FSBP: variants seen among roughly 807,000 people sequenced by gnomAD.
FSBP encodes the protein fibrinogen silencer-binding protein.
In FSBP, 18 loss-of-function variants were observed where a neutral mutation model predicts 24.6. The ratio of observed to expected loss-of-function variants is 0.73; its 90% CI spans 0.51 to 1.08. FSBP has a LOEUF of 1.08. Ranked by LOEUF, FSBP falls within the 50% of genes least tolerant of loss-of-function variation. The probability of loss-of-function intolerance (pLI) is 0.00; values close to 1 mark genes in which losing one functional copy is unlikely to be tolerated. For synonymous variants in FSBP, 110 were observed against 125.8 expected (o/e 0.87, Z 0.84); for missense variants, 305 against 347.6 (o/e 0.88, Z 0.98).
chr8:94,430,497 A>G lies in FSBP; in HGVS notation c.*1634T>C. ...TTCTCAAACTTTAGCATGCATCAGAATCGCTAAAGGGTTTATTAAAAGAGA... is the reference window on the plus strand; with the variant it reads ...TTCTCAAACTTTAGCATGCATCAGAGTCGCTAAAGGGTTTATTAAAAGAGA... On this transcript the variant is annotated 3_prime_UTR_variant, in exon 2 of 2. Transcript: ENST00000481490. The G allele has an allele frequency of 1.1e-6, 1 of 940,988 alleles. No homozygotes were observed. The highest frequency in any genetic ancestry group is 1.3e-6 in the Non-Finnish European group (1 of 789,680). The allele number at this position is 940,988 out of a possible 1,614,324, so 58.3% of individuals were successfully genotyped here. A position where few individuals can be genotyped will look rare whatever the true frequency, so the allele number is the denominator to read the frequency against.
Position 94,431,783 on chromosome 8 carries a change from C to G in FSBP, c.*348G>C, listed in dbSNP as rs1812102183. The G allele has an allele frequency of 4.0e-6, 4 of 999,846 alleles. No individual in the cohort carries two copies. The African/African-American group carries it at 5.2e-5, about 13-fold the overall frequency. The allele number at this position is 999,846 out of a possible 1,614,324, so 61.9% of individuals were successfully genotyped here. On this transcript the variant is annotated 3_prime_UTR_variant, in exon 2 of 2. Coordinates refer to ENST00000481490, the MANE Select transcript of FSBP (RefSeq NM_001256141.2). ...CTGACTTAAAAATCTCTAATTATAG[C>G]TTTCAAAGTTCTAACTAAAAATGTT...
intron 1 of FSBP, among the ~76,000 whole-genome samples, chr8:94,434,390 G>A (rs1163310078): frequency 2.0e-5 from 3 of 151,636 alleles, no homozygotes; most frequent in African/African-American, 7.3e-5. Flanking sequence ...GACAGAGAAG[G>A]ACTTGAGAAT....
intron 1 of FSBP, among the ~76,000 whole-genome samples, chr8:94,433,400 G>A (rs1586167488): frequency 6.6e-6 from 1 of 151,912 alleles, no homozygotes; most frequent in Admixed American, 6.6e-5. Context: ...AGCAGGTACT[G>A]TACTTAGAAC....
rs1007056717 is a variant in FSBP at position 94,430,096 on chromosome 8, G to A, written c.*2035C>T. 19 of 843,206 alleles carry A rather than the reference G, an allele frequency of 2.3e-5. No homozygotes were observed. The East Asian group carries it at 1.4e-3, about 61-fold the overall frequency. The allele number at this position is 843,206 out of a possible 1,614,324, so 52.2% of individuals were successfully genotyped here. A position where few individuals can be genotyped will look rare whatever the true frequency, so the allele number is the denominator to read the frequency against. ...TGGGAGGCCGAGGCGGGCAGATCACGAGGTCAGGAGATCAAGACCATCCTG... is the reference window on the plus strand; with the variant it reads ...TGGGAGGCCGAGGCGGGCAGATCACAAGGTCAGGAGATCAAGACCATCCTG... On this transcript the variant is annotated 3_prime_UTR_variant, in exon 2 of 2. Transcript: ENST00000481490.
At chr8:94,434,310 TA>T (rs1226948857) in intron 1 of FSBP, among the ~76,000 whole-genome samples, 2 of 151,732 alleles carry the variant, frequency 1.3e-5, no homozygotes, top group Non-Finnish European at 3.0e-5. Context: ...CCATTTTAGC[TA>T]AAACATTACA....
At position 94,428,565 on chromosome 8, in the gene FSBP, T is replaced by C. The variant is rs549118959; in HGVS notation, c.*3566A>G. ...AATAGTTGTTAGGATACAGGACAAG[T>C]GAGCCCCAAAACTGGGGATTAGCCC... is the stretch of plus-strand genomic sequence containing the variant. On this transcript the variant is annotated 3_prime_UTR_variant, in exon 2 of 2. Coordinates refer to ENST00000481490, the MANE Select transcript of FSBP (RefSeq NM_001256141.2). 3.1e-4 allele frequency: 90 copies of C among 293,352 alleles called. 2 individuals carry two copies. The South Asian group carries it at 0.011, about 37-fold the overall frequency. The allele number at this position is 293,352 out of a possible 1,614,324, so 18.2% of individuals were successfully genotyped here. A position where few individuals can be genotyped will look rare whatever the true frequency, so the allele number is the denominator to read the frequency against.
chr8:94,435,070 G>C (rs972612278), intron 1 of FSBP, among the ~76,000 whole-genome samples: 10 of 151,866 alleles, frequency 6.6e-5, no homozygotes, highest in Non-Finnish European at 1.0e-4. Flanking sequence ...ACTAACCAAA[G>C]GGTACAGTTT....
Position 94,430,017 on chromosome 8 carries a change from T to C in FSBP, c.*2114A>G, listed in dbSNP as rs1252970523. 2 of 985,110 alleles carry C rather than the reference T, an allele frequency of 2.0e-6. No homozygotes were observed. Among genetic ancestry groups the C allele is most frequent in the African/African-American group, 1.7e-5 (1 of 57,172 alleles). 61.0% of individuals were successfully genotyped at this position (985,110 alleles called of 1,614,324 possible). ...TCATTGTACGTTAAGTCTGACTCAT[T>C]AAAAATAGTATTTAGGCTGGGCACG... On this transcript the variant is annotated 3_prime_UTR_variant, in exon 2 of 2. Transcript: ENST00000481490.
Position 94,432,432 on chromosome 8 carries a change from T to C in FSBP, c.599A>G (p.Asp200Gly). Residue 200 changes from aspartate to glycine, a missense_variant, in exon 2 of 2, where the codon GAT (aspartate) becomes GGT (glycine). Transcript: ENST00000481490. ...AGATGGAGACGATGTCATTCTCATA[T>C]CAACAGAGGAAAGTGAAGGCGACAA... ...RSLSPSLSSV[D>G]MRMTSSPSSI... The C allele has an allele frequency of 6.4e-7, 1 of 1,550,460 alleles. No individual in the cohort carries two copies. The highest frequency in any genetic ancestry group is 2.4e-5 in the East Asian group (1 of 40,902).
intron 1 of FSBP, among the ~76,000 whole-genome samples, chr8:94,433,524 C>G (rs1812172715): frequency 6.6e-6 from 1 of 152,016 alleles, no homozygotes; most frequent in Admixed American, 6.6e-5. Flanking sequence ...TAAATTTACA[C>G]ATAATTTCCA....
At chr8:94,435,421 C>T (rs1207424187) in intron 1 of FSBP, among the ~76,000 whole-genome samples, 2 of 152,026 alleles carry the variant, frequency 1.3e-5, no homozygotes, top group African/African-American at 4.8e-5. Flanking sequence ...CTGCTTCTCT[C>T]CTAATTTCAA....
rs985125837 is a variant in FSBP, at chr8:94,436,852, C to G, written c.17G>C (p.Arg6Thr). Residue 6 changes from arginine (R) to threonine (T), a missense_variant, in exon 1 of 2, where the codon AGA (arginine) becomes ACA (threonine). By Grantham distance (71) the Arg-to-Thr change is moderately conservative. Coordinates refer to ENST00000481490, the MANE Select transcript of FSBP (RefSeq NM_001256141.2). Reference protein sequence around the residue: MVGKARSSNFTLSEKL... With the variant: MVGKATSSNFTLSEKL... ...TTCGGATAAGGTAAAATTGGAAGAT[C>G]TAGCCTTTCCTACCATTGTTCTTTT... 2 of 1,529,080 alleles carry G rather than the reference C, an allele frequency of 1.3e-6. No homozygotes were observed. The highest frequency in any genetic ancestry group is 2.8e-5 in the African/African-American group (2 of 72,076). The allele number at this position is 1,529,080 out of a possible 1,614,324, so 94.7% of individuals were successfully genotyped here.
chr8:94,434,697 A>G (rs534002514), intron 1 of FSBP, among the ~76,000 whole-genome samples: 1 of 151,716 alleles, frequency 6.6e-6, no homozygotes, highest in East Asian at 1.9e-4. Flanking sequence ...AAGCACATTA[A>G]ATATATATAT....
chr8:94,431,174 T>C lies in FSBP; in HGVS notation c.*957A>G, dbSNP rs1290288915. On this transcript the variant is annotated 3_prime_UTR_variant, in exon 2 of 2. Coordinates refer to ENST00000481490, the MANE Select transcript of FSBP (RefSeq NM_001256141.2). ...AGAATTGAGGTTTTATTTCCATGAA[T>C]ACTAAAATAACAATACTTATAAAAT... 1.1e-6 allele frequency: 1 copy of C among 913,400 alleles called. No homozygotes were observed. The highest frequency in any genetic ancestry group is 1.3e-6 in the Non-Finnish European group (1 of 764,624). The allele number at this position is 913,400 out of a possible 1,614,324, so 56.6% of individuals were successfully genotyped here. A position where few individuals can be genotyped will look rare whatever the true frequency, so the allele number is the denominator to read the frequency against.
Position 94,429,044 on chromosome 8 carries a change from C to T in FSBP, c.*3087G>A. The T allele has an allele frequency of 1.0e-6, 1 of 985,024 alleles. No individual in the cohort carries two copies. The highest frequency in any genetic ancestry group is 1.2e-6 in the Non-Finnish European group (1 of 829,626). 61.0% of individuals were successfully genotyped at this position (985,024 alleles called of 1,614,324 possible). On this transcript the variant is annotated 3_prime_UTR_variant, in exon 2 of 2. Transcript: ENST00000481490. The stretch of plus-strand genomic sequence containing the variant: ...ATGAGGAGAATTATATGCATTTAAA[C>T]TTTTGCAAATTAAAAGTAAACAAGA...
chr8:94,431,912 GA>G lies in FSBP; in HGVS notation c.*218del, dbSNP rs150872253. ...TGTAAGGTCAACAATTAAACTTAGGGAAAAAAAAAAGAAGACAATAAAAACT... is the reference window on the plus strand; with the variant it reads ...TGTAAGGTCAACAATTAAACTTAGGGAAAAAAAAAGAAGACAATAAAAACT... On this transcript the variant is annotated 3_prime_UTR_variant, in exon 2 of 2. Coordinates refer to ENST00000481490, the MANE Select transcript of FSBP (RefSeq NM_001256141.2). The G allele has an allele frequency of 2.2e-3, 2,354 of 1,085,562 alleles. No homozygotes were observed. The highest frequency in any genetic ancestry group is 5.6e-3 in the East Asian group (146 of 26,046). The allele number at this position is 1,085,562 out of a possible 1,614,324, so 67.2% of individuals were successfully genotyped here.
chr8:94,430,400 T>C lies in FSBP; in HGVS notation c.*1731A>G, dbSNP rs958620443. 6.1e-6 allele frequency: 6 copies of C among 985,146 alleles called. No homozygotes were observed. In the South Asian group the frequency reaches 1.9e-4, roughly 31 times the overall value. 61.0% of individuals were successfully genotyped at this position (985,146 alleles called of 1,614,324 possible). A position where few individuals can be genotyped will look rare whatever the true frequency, so the allele number is the denominator to read the frequency against. ...TATCCCTCAGTTCACTTTCAACTAC[T>C]CTTCGACAAAAATTTTGAGACTAGT... is the stretch of plus-strand genomic sequence containing the variant. On this transcript the variant is annotated 3_prime_UTR_variant, in exon 2 of 2. Coordinates refer to ENST00000481490, the MANE Select transcript of FSBP (RefSeq NM_001256141.2).
intron 1 of FSBP, among the ~76,000 whole-genome samples, chr8:94,433,373 C>T (rs1294354816): frequency 6.6e-6 from 1 of 151,944 alleles, no homozygotes; most frequent in East Asian, 1.9e-4. Context: ...TAATCCACAA[C>T]TGTATACTCA....
At position 94,429,212 on chromosome 8, in the gene FSBP, C is replaced by T. The variant is rs1322713083; in HGVS notation, c.*2919G>A. ...TGCTAATGAATTGTGTCACCTAACA[C>T]ACTAAAGAAAAAGCAATCTTAAACA... On this transcript the variant is annotated 3_prime_UTR_variant, in exon 2 of 2. Transcript: ENST00000481490. 2 of 703,106 alleles carry T rather than the reference C, an allele frequency of 2.8e-6. No individual in the cohort carries two copies. Among genetic ancestry groups the T allele is most frequent in the African/African-American group, 1.9e-5 (1 of 51,384 alleles). The allele number at this position is 703,106 out of a possible 1,614,324, so 43.6% of individuals were successfully genotyped here.
Sources: gnomAD v4.1 joint callset for allele counts (sites outside exome capture counted in the v4.1 genomes callset) on GRCh38, gnomAD v4.1.1 for gene constraint, MANE v1.5 for transcripts, NCBI Gene and HGNC (gene_info 2026-07-23, HGNC 2026-07-21) for gene names.